The following MACROD2 variants were observed in gnomAD, a reference collection of about 807,000 sequenced individuals.
MACROD2 encodes the protein ADP-ribose glycohydrolase MACROD2.
In MACROD2, 36 loss-of-function variants were observed where a neutral mutation model predicts 70.4. The observed-to-expected ratio is 0.51, with a 90% CI of 0.39 to 0.68. The LOEUF (loss-of-function observed/expected upper bound fraction) is 0.68. Ranked by LOEUF, MACROD2 falls within the 30% of genes least tolerant of loss-of-function variation. MACROD2 has a pLI of 0.00. For missense variants in MACROD2, 496 were observed against 538.4 expected, an observed-to-expected ratio of 0.92 and a Z score of 0.78; for synonymous variants, 172 against 178.8, an observed-to-expected ratio of 0.96 and a Z score of 0.30.
intron 5 of MACROD2, among the ~76,000 whole-genome samples, chr20:14,875,690 TG>T (rs1240001681): frequency 9.2e-5 from 14 of 152,210 alleles, no homozygotes; most frequent in African/African-American, 3.1e-4. Flanking sequence ...TTTATGTCCA[TG>T]TGTGCCCAGT....
chr20:14,336,430 C>T (rs924450504), intron 3 of MACROD2, among the ~76,000 whole-genome samples: 19 of 152,184 alleles, frequency 1.2e-4, no homozygotes, highest in African/African-American at 4.6e-4. Flanking sequence ...TACCTATATG[C>T]AACCATTTTG....
At chr20:14,946,939 A>G (rs577351809) in intron 5 of MACROD2, among the ~76,000 whole-genome samples, 1 of 152,308 alleles carries the variant, frequency 6.6e-6, no homozygotes, top group African/African-American at 2.4e-5. Context: ...GTATGTGTGC[A>G]TGTACAACAC....
intron 8 of MACROD2, among the ~76,000 whole-genome samples, chr20:15,732,202 C>T (rs1294106377): frequency 2.0e-5 from 3 of 151,912 alleles, no homozygotes; most frequent in African/African-American, 7.3e-5. Flanking sequence ...TGCATTCCCA[C>T]TGGCAGAAAT....
rs545505565 is a variant in MACROD2, at chr20:14,505,947, C to T, written c.301+12439C>T. ...AATATAACAATTTGAGAAGGATTTA[C>T]GCTTCAAAAACTGCTGAACTTCATA... On this transcript the variant is annotated intron_variant, in intron 4 of 17. Coordinates refer to ENST00000684519, the MANE Select transcript of MACROD2 (RefSeq NM_001351661.2). Among the ~76,000 whole-genome samples the T allele has an allele frequency of 3.2e-4, 48 of 152,264 alleles. No individual in the cohort carries two copies. The South Asian group carries it at 6.4e-3, about 20-fold the overall frequency.
At chr20:15,913,661 A>G (rs1041316300) in intron 10 of MACROD2, among the ~76,000 whole-genome samples, 1 of 152,124 alleles carries the variant, frequency 6.6e-6, no homozygotes, top group Non-Finnish European at 1.5e-5. Context: ...ATGTTGAAAA[A>G]CTGTCCATTA....
intron 3 of MACROD2, among the ~76,000 whole-genome samples, chr20:14,264,813 T>C (rs1459011862): frequency 6.6e-6 from 1 of 152,136 alleles, no homozygotes; most frequent in Non-Finnish European, 1.5e-5. Context: ...AATGAGAATT[T>C]GAGAGCAAAA....
At chr20:15,958,275 G>A (rs978301253) in intron 12 of MACROD2, among the ~76,000 whole-genome samples, 9 of 152,236 alleles carry the variant, frequency 5.9e-5, no homozygotes, top group Admixed American at 1.3e-4. Flanking sequence ...CTCCTTTCAA[G>A]TGACCCTTCC....
chr20:14,425,327 A>G (rs2083921155), intron 3 of MACROD2, among the ~76,000 whole-genome samples: 1 of 152,178 alleles, frequency 6.6e-6, no homozygotes, highest in African/African-American at 2.4e-5. Context: ...CCCATAATAT[A>G]CCAGACTTTC....
At position 14,566,013 on chromosome 20, in the gene MACROD2, C is replaced by T. The variant is rs192017951; in HGVS notation, c.301+72505C>T. On this transcript the variant is annotated intron_variant, in intron 4 of 17. Coordinates refer to ENST00000684519, the MANE Select transcript of MACROD2 (RefSeq NM_001351661.2). ...AATTCCTTTCACTCAAAGTTAAAAG[C>T]CTTTGAGTGTACTATCTGTTTCCTG... 5.5e-3 allele frequency among the ~76,000 whole-genome samples: 833 copies of T among 152,028 alleles called. 9 individuals carry two copies. Among genetic ancestry groups the T allele is most frequent in the African/African-American group, 0.019 (779 of 41,490 alleles).
At chr20:14,778,758 T>C (rs1226969164) in intron 5 of MACROD2, among the ~76,000 whole-genome samples, 1 of 152,102 alleles carries the variant, frequency 6.6e-6, no homozygotes, top group African/African-American at 2.4e-5. Flanking sequence ...AAGGTAGAGA[T>C]GAGCTGGTAG....
intron 9 of MACROD2, among the ~76,000 whole-genome samples, chr20:15,864,560 A>C (rs1432819496): frequency 6.6e-6 from 1 of 152,178 alleles, no homozygotes; most frequent in African/African-American, 2.4e-5. Context: ...ATTGAAACAA[A>C]TATTTCTATC....
chr20:15,364,594 G>A (rs1424738650), intron 6 of MACROD2, among the ~76,000 whole-genome samples: 2 of 152,136 alleles, frequency 1.3e-5, no homozygotes. Flanking sequence ...AACTTTCTAG[G>A]GATTTATTTA....
At chr20:14,225,781 A>G (rs1010758687) in intron 3 of MACROD2, among the ~76,000 whole-genome samples, 1 of 152,216 alleles carries the variant, frequency 6.6e-6, no homozygotes, top group African/African-American at 2.4e-5. Context: ...TCTCAAGCTT[A>G]GGTGATCCAA....
At chr20:15,702,490 C>T (rs2050474551) in intron 8 of MACROD2, among the ~76,000 whole-genome samples, 1 of 152,080 alleles carries the variant, frequency 6.6e-6, no homozygotes, top group Non-Finnish European at 1.5e-5. Flanking sequence ...TGTTCATATC[C>T]TTTGCCCATT....
intron 5 of MACROD2, among the ~76,000 whole-genome samples, chr20:15,184,460 C>T (rs145375090): frequency 9.2e-5 from 14 of 152,304 alleles, no homozygotes; most frequent in Non-Finnish European, 1.9e-4. Context: ...AGGTTTATTT[C>T]TCATTCACAC....
intron 15 of MACROD2, among the ~76,000 whole-genome samples, chr20:16,017,555 T>A (rs2066945585): frequency 6.6e-6 from 1 of 152,206 alleles, no homozygotes; most frequent in East Asian, 1.9e-4. Context: ...ATTCCTGGCC[T>A]TGTCAGTTTC....
chr20:15,313,958 G>T (rs1384284012), intron 6 of MACROD2, among the ~76,000 whole-genome samples: 2 of 152,064 alleles, frequency 1.3e-5, no homozygotes, highest in African/African-American at 2.4e-5. Flanking sequence ...CTTATTTTGT[G>T]GGTCTAATGA....
At chr20:15,103,239 T>G (rs1469588231) in intron 5 of MACROD2, among the ~76,000 whole-genome samples, 2 of 152,184 alleles carry the variant, frequency 1.3e-5, no homozygotes, top group South Asian at 2.1e-4. Context: ...CTTCTTTCCA[T>G]TCTACCAGTC....
chr20:14,100,212 T>G (rs553179652), intron 3 of MACROD2, among the ~76,000 whole-genome samples: 1 of 152,036 alleles, frequency 6.6e-6, no homozygotes, highest in South Asian at 2.1e-4. Flanking sequence ...AAACTACATT[T>G]GGAAAAAAAG....
Sources: allele counts gnomAD v4.1 joint callset (sites outside exome capture counted in the v4.1 genomes callset), GRCh38; gene constraint gnomAD v4.1.1; transcripts MANE v1.5; gene names NCBI Gene and HGNC (gene_info 2026-07-23, HGNC 2026-07-21).